ARPC1B: variants seen among roughly 807,000 people sequenced by gnomAD.
ARPC1B encodes actin related protein 2/3 complex subunit 1B, also known as actin-related protein 2/3 complex subunit 1B.
In ARPC1B, 29 loss-of-function variants were observed where a neutral mutation model predicts 46.0. That is an observed-to-expected ratio of 0.63 (90% CI 0.47 to 0.86). ARPC1B has a LOEUF of 0.86. Among genes scored for constraint, ARPC1B ranks in the 40% least tolerant of loss-of-function variants. The pLI, the probability that ARPC1B is intolerant of heterozygous loss-of-function variation, is 0.00. For synonymous variants in ARPC1B, 201 were observed against 213.9 expected (o/e 0.94, Z 0.53); for missense variants, 469 against 529.4 (o/e 0.89, Z 1.12).
intron 1 of ARPC1B, among the ~76,000 whole-genome samples, chr7:99,378,755 G>C (rs1794106484): frequency 6.7e-6 from 1 of 148,958 alleles, no homozygotes; most frequent in South Asian, 2.1e-4. Context: ...TGTGACCAAA[G>C]AATGTTAATT....
chr7:99,382,837 C>T (rs1193046140), intron 1 of ARPC1B, among the ~76,000 whole-genome samples: 25 of 145,046 alleles, frequency 1.7e-4, no homozygotes, highest in Admixed American at 1.7e-3. Flanking sequence ...ACATTCATTC[C>T]TAACCTTTTT....
intron 9 of ARPC1B, 162 bp downstream of exon 9, chr7:99,394,281 C>T (rs1226723802): frequency 9.7e-6 from 10 of 1,034,344 alleles, no homozygotes; most frequent in Admixed American, 7.7e-5. Context: ...CCTTGGTGCT[C>T]ACTGGGGCAC....
At chr7:99,386,566 A>T in intron 2 of ARPC1B, 119 bp from the exon 3 acceptor site, 1 of 869,814 alleles carries the variant, frequency 1.1e-6, no homozygotes, top group Non-Finnish European at 2.0e-6. Context: ...TGCAAGGCAG[A>T]AGAGGAGAGA....
At chr7:99,380,955 C>T (rs1794199201) in intron 1 of ARPC1B, among the ~76,000 whole-genome samples, 1 of 152,172 alleles carries the variant, frequency 6.6e-6, no homozygotes, top group Non-Finnish European at 1.5e-5. Context: ...CTGCTGGTGA[C>T]CTTGGACCAT....
chr7:99,385,765 C>G lies in ARPC1B; in HGVS notation c.51C>G (p.Asn17Lys), dbSNP rs142972568. The G allele has an allele frequency of 1.9e-4, 304 of 1,610,334 alleles. 3 individuals carry two copies. The highest frequency in any genetic ancestry group is 9.6e-4 in the South Asian group (87 of 90,212). ...LVEPISCHAWNKDRTQIAICP... is the reference protein window; with the variant it reads ...LVEPISCHAWKKDRTQIAICP... ...AGCCCATCAGCTGCCACGCCTGGAACAAGGACCGCACCCGTGAGTGCTTGC... is the reference window on the plus strand; with the variant it reads ...AGCCCATCAGCTGCCACGCCTGGAAGAAGGACCGCACCCGTGAGTGCTTGC... Residue 17 changes from asparagine (N) to lysine (K), a missense_variant, in exon 2 of 10, where the codon AAC becomes AAG. Transcript: ENST00000646101.
chr7:99,391,016 C>T lies in ARPC1B; in HGVS notation c.624C>T (p.Val208=), dbSNP rs577425201. 4.3e-6 allele frequency: 7 copies of T among 1,614,002 alleles called. No homozygotes were observed. In the African/African-American group the frequency reaches 8.0e-5, roughly 18 times the overall value. ...SSSSCGWVHG[V]CFSASGSRVA... is the part of the protein sequence containing the mutation. ...GTAGCTGCGGCTGGGTACATGGCGT[C>T]TGTTTCTCAGCCAGCGGGAGCCGCG... The change falls in exon 6 of 10, where the codon GTC becomes GTT. Residue 208 remains valine (V), a synonymous_variant. Coordinates refer to ENST00000646101, the MANE Select transcript of ARPC1B (RefSeq NM_005720.4).
chr7:99,392,949 G>A (rs951853177), intron 8 of ARPC1B, 73 bp downstream of exon 8: 21 of 1,396,340 alleles, frequency 1.5e-5, no homozygotes, highest in Middle Eastern at 4.5e-4. Context: ...GTGAGGAAGG[G>A]GCCTGGAGTC....
Position 99,383,400 on chromosome 7 carries a change from C to T in ARPC1B, c.-13-2302C>T, listed in dbSNP as rs1315269462. ...TAATGGCAATGAAAAATTTGTTCAG[C>T]GGATATTTCTTGAGCACCTACTATG... On this transcript the variant is annotated intron_variant, in intron 1 of 9. Coordinates refer to ENST00000646101, the MANE Select transcript of ARPC1B (RefSeq NM_005720.4). 3.9e-5 allele frequency among the ~76,000 whole-genome samples: 6 copies of T among 152,058 alleles called. No individual in the cohort carries two copies. In the East Asian group the frequency reaches 5.8e-4, roughly 15 times the overall value.
At chr7:99,392,640 G>C (rs1310066500) in intron 7 of ARPC1B, 31 bp from the exon 8 acceptor site, 1 of 1,448,222 alleles carries the variant, frequency 6.9e-7, no homozygotes, top group Non-Finnish European at 9.1e-7. Context: ...TCCCCTCCGC[G>C]GCGCTCCAAT....
intron 3 of ARPC1B, among the ~76,000 whole-genome samples, 178 bp downstream of exon 3, chr7:99,386,967 G>C (rs960022675): frequency 1.3e-5 from 2 of 152,198 alleles, no homozygotes; most frequent in Non-Finnish European, 2.9e-5. Context: ...AAACTCACAG[G>C]GTTGAGGGCT....
chr7:99,394,698 G>GAA lies in ARPC1B; in HGVS notation c.*222_*223dup, dbSNP rs57668352. On this transcript the variant is annotated 3_prime_UTR_variant, in exon 10 of 10. Transcript: ENST00000646101. ...TTTTTCTTAAATGCTTTCATTTATT[G>GAA]AAAAAAAAAAAAAATGCCCCCAAAG... The GAA allele has an allele frequency of 0.017, 19,863 of 1,161,680 alleles. 982 individuals are homozygous for GAA. The African/African-American group carries it at 0.23, about 13-fold the overall frequency. The allele number at this position is 1,161,680 out of a possible 1,614,324, so 72.0% of individuals were successfully genotyped here. A position where few individuals can be genotyped will look rare whatever the true frequency, so the allele number is the denominator to read the frequency against.
chr7:99,380,969 G>A (rs548593445), intron 1 of ARPC1B, among the ~76,000 whole-genome samples: 14 of 152,298 alleles, frequency 9.2e-5, no homozygotes, highest in Admixed American at 2.6e-4. Context: ...GGACCATGGG[G>A]GTTGTCGGGG....
At position 99,394,434 on chromosome 7, in the gene ARPC1B, G is replaced by A. The variant is rs376624894; in HGVS notation, c.1081-17G>A. 28 of 1,608,716 alleles carry A rather than the reference G, an allele frequency of 1.7e-5. No homozygotes were observed. Among genetic ancestry groups the A allele is most frequent in the Non-Finnish European group, 2.1e-5 (25 of 1,175,428 alleles). On this transcript the variant is annotated splice_polypyrimidine_tract_variant and intron_variant, in intron 9 of 9. Transcript: ENST00000646101. ...AGGACAGCTGAGAACCAGCCTGTCC[G>A]TTCTGCCTCCCTGCAGAGCTTGGAG...
intron 4 of ARPC1B, chr7:99,388,580 G>A: frequency 3.6e-6 from 1 of 274,966 alleles, no homozygotes; most frequent in Middle Eastern, 1.2e-3. Context: ...ATTAGCAAAG[G>A]CCCTGTAGCA....
chr7:99,388,401 A>G (rs1562815829), intron 4 of ARPC1B, 140 bp downstream of exon 4: 1 of 808,100 alleles, frequency 1.2e-6, no homozygotes. Context: ...TCTGGGCCTC[A>G]TTCATGAGGC....
chr7:99,375,755 T>C (rs899526030), intron 1 of ARPC1B, among the ~76,000 whole-genome samples: 2 of 152,100 alleles, frequency 1.3e-5, no homozygotes, highest in Admixed American at 6.6e-5. Context: ...AGACCCTTTC[T>C]CTATTAAAAT....
intron 7 of ARPC1B, chr7:99,392,012 C>A (rs1655642694): frequency 6.6e-6 from 1 of 152,138 alleles, no homozygotes; most frequent in African/African-American, 2.4e-5. Context: ...GGGTGAGCCA[C>A]CGAGACTCCA....
chr7:99,383,860 C>T (rs1794299033), intron 1 of ARPC1B, among the ~76,000 whole-genome samples: 2 of 152,176 alleles, frequency 1.3e-5, no homozygotes, highest in African/African-American at 2.4e-5. Context: ...TAAGAGTAAC[C>T]GCCTCGTGGT....
intron 1 of ARPC1B, among the ~76,000 whole-genome samples, chr7:99,378,695 GAAAA>G (rs1242243046): frequency 6.8e-6 from 1 of 146,838 alleles, no homozygotes; most frequent in African/African-American, 2.5e-5. Flanking sequence ...AAATAAAAAA[GAAAA>G]AGAAAGAAAA....
Sources: gnomAD v4.1 joint callset for allele counts (sites outside exome capture counted in the v4.1 genomes callset) on GRCh38, gnomAD v4.1.1 for gene constraint, MANE v1.5 for transcripts, NCBI Gene and HGNC (gene_info 2026-07-23, HGNC 2026-07-21) for gene names.